Variants in RBFOX1 observed in about 807,000 individuals in gnomAD.
RBFOX1 encodes the protein RNA binding protein fox-1 homolog 1.
In RBFOX1, 8 loss-of-function variants were observed where a neutral mutation model predicts 57.7. The ratio of observed to expected loss-of-function variants is 0.14; its 90% CI spans 0.08 to 0.25. RBFOX1 has a LOEUF of 0.25. Ranked by LOEUF, RBFOX1 falls within the 10% of genes least tolerant of loss-of-function variation. RBFOX1 has a pLI of 1.00. For missense variants in RBFOX1, 611 were observed against 548.5 expected (o/e 1.11, Z -1.14); for synonymous variants, 326 against 222.4 (o/e 1.47, Z -4.15).
At chr16:6,727,444 C>T (rs957702268) in intron 3 of RBFOX1, among the ~76,000 whole-genome samples, 1 of 151,572 alleles carries the variant, frequency 6.6e-6, no homozygotes, top group Non-Finnish European at 1.5e-5. Flanking sequence ...CTTCATATTC[C>T]CCCGCTGCTT....
chr16:6,863,533 T>C (rs1468283155), intron 3 of RBFOX1, among the ~76,000 whole-genome samples: 5 of 152,016 alleles, frequency 3.3e-5, no homozygotes, highest in Admixed American at 6.6e-5. Flanking sequence ...CTAATTACAA[T>C]TATTTTCTGG....
chr16:7,269,043 CAAAAAAAAA>C (rs56297510), intron 4 of RBFOX1, among the ~76,000 whole-genome samples: 2 of 52,262 alleles, frequency 3.8e-5, no homozygotes, highest in Admixed American at 3.3e-4. Flanking sequence ...TCTTCCATCT[CAAAAAAAAA>C]AAAAAAAAAA....
At chr16:5,355,430 G>C (rs1364581495) in intron 1 of RBFOX1, among the ~76,000 whole-genome samples, 1 of 152,184 alleles carries the variant, frequency 6.6e-6, no homozygotes, top group Non-Finnish European at 1.5e-5. Context: ...GAGACCTCTT[G>C]ATGTAAGGTG....
At chr16:6,909,944 T>C (rs952321686) in intron 3 of RBFOX1, among the ~76,000 whole-genome samples, 8 of 152,132 alleles carry the variant, frequency 5.3e-5, no homozygotes, top group Non-Finnish European at 1.0e-4. Context: ...GCAAACTTCA[T>C]GAGCCATTTC....
rs1796184625 is a variant in RBFOX1 at position 6,818,580 on chromosome 16, T to C, written c.-16+163930T>C. The stretch of plus-strand genomic sequence containing the variant: ...TCCCTTTTTTCTTCTAAAGTTGCTA[T>C]GGCACTCTCATTTAACCTCTAGTAG... On this transcript the variant is annotated intron_variant, in intron 3 of 15. Transcript: ENST00000550418. 1.3e-5 allele frequency among the ~76,000 whole-genome samples: 2 copies of C among 152,244 alleles called. 1 individual carries two copies. The highest frequency in any genetic ancestry group is 4.1e-4 in the South Asian group (2 of 4,830).
chr16:5,414,869 G>A (rs1309501379), intron 1 of RBFOX1, among the ~76,000 whole-genome samples: 1 of 152,182 alleles, frequency 6.6e-6, no homozygotes, highest in African/African-American at 2.4e-5. Flanking sequence ...TAAGGAGCCA[G>A]CAGGGATGGA....
At chr16:7,024,262 A>C (rs2040219295) in intron 3 of RBFOX1, among the ~76,000 whole-genome samples, 1 of 152,202 alleles carries the variant, frequency 6.6e-6, no homozygotes, top group Non-Finnish European at 1.5e-5. Context: ...ATGCACAGAG[A>C]CATGGTGGCT....
intron 4 of RBFOX1, among the ~76,000 whole-genome samples, chr16:7,165,105 C>A (rs1376617145): frequency 6.6e-6 from 1 of 152,118 alleles, no homozygotes; most frequent in African/African-American, 2.4e-5. Flanking sequence ...GGATGCAATC[C>A]TGTCAGTAGT....
chr16:6,855,378 G>A (rs1392174085), intron 3 of RBFOX1, among the ~76,000 whole-genome samples: 2 of 152,068 alleles, frequency 1.3e-5, no homozygotes, highest in Admixed American at 6.5e-5. Flanking sequence ...TTGGCCGGGC[G>A]CAGTGGCTCA....
At chr16:5,883,024 C>G (rs1242601127) in intron 4 of RBFOX1, among the ~76,000 whole-genome samples, 4 of 152,168 alleles carry the variant, frequency 2.6e-5, no homozygotes, top group Non-Finnish European at 5.9e-5. Flanking sequence ...GATCCAGACC[C>G]TGCTCTTAGG....
chr16:6,961,036 A>G (rs986772987), intron 3 of RBFOX1, among the ~76,000 whole-genome samples: 4 of 151,322 alleles, frequency 2.6e-5, no homozygotes, highest in Non-Finnish European at 4.4e-5. Flanking sequence ...CCAGCTACTC[A>G]GGAGGCTGAG....
At chr16:5,405,483 G>A (rs2066840091) in intron 1 of RBFOX1, among the ~76,000 whole-genome samples, 2 of 152,150 alleles carry the variant, frequency 1.3e-5, no homozygotes, top group African/African-American at 4.8e-5. Flanking sequence ...CCAGCCATGT[G>A]GAACTGTGAG....
chr16:5,254,528 G>T (rs1340692157), intron 1 of RBFOX1, among the ~76,000 whole-genome samples: 1 of 152,150 alleles, frequency 6.6e-6, no homozygotes, highest in East Asian at 1.9e-4. Context: ...GGTCTGCCAT[G>T]CCCCCCGATC....
rs373108406 is a variant in RBFOX1, at chr16:6,363,783, G to A, written c.-64+46726G>A. ...ACCCAGTGACAGAACTAATAATTGT[G>A]TCCATGTAAAATCAGACCCTCTTGT... On this transcript the variant is annotated intron_variant, in intron 2 of 15. Coordinates refer to ENST00000550418, the MANE Select transcript of RBFOX1 (RefSeq NM_018723.4). 2.0e-5 allele frequency among the ~76,000 whole-genome samples: 3 copies of A among 152,292 alleles called. No homozygotes were observed. In the East Asian group the frequency reaches 5.8e-4, roughly 29 times the overall value.
intron 3 of RBFOX1, among the ~76,000 whole-genome samples, chr16:6,779,036 T>C (rs1291134662): frequency 6.6e-6 from 1 of 152,088 alleles, no homozygotes; most frequent in Non-Finnish European, 1.5e-5. Flanking sequence ...ACTACTCTAG[T>C]TATTTTGAAA....
At position 7,362,340 on chromosome 16, in the gene RBFOX1, A is replaced by C. The variant is rs182456688; in HGVS notation, c.28-155807A>C. Among the ~76,000 whole-genome samples, 251 of 141,032 alleles carry C rather than the reference A, an allele frequency of 1.8e-3. 1 individual carries two copies. The highest frequency in any genetic ancestry group is 6.5e-3 in the African/African-American group (243 of 37,312). The allele number at this position is 141,032 out of a possible 152,430, so 92.5% of individuals were successfully genotyped here. On this transcript the variant is annotated intron_variant, in intron 4 of 15. Transcript: ENST00000550418. ...TGTGTGTATGTTTTGTGTGTATGTT[A>C]GTGTATGTGTGTTTGTGTGTATGCT...
At chr16:7,329,610 G>A (rs901611656) in intron 4 of RBFOX1, among the ~76,000 whole-genome samples, 2 of 152,160 alleles carry the variant, frequency 1.3e-5, no homozygotes, top group Non-Finnish European at 2.9e-5. Flanking sequence ...CGAGGACGAA[G>A]TCAATACAAC....
intron 2 of RBFOX1, among the ~76,000 whole-genome samples, chr16:6,577,519 AG>A (rs764599507): frequency 1.3e-5 from 2 of 152,222 alleles, no homozygotes; most frequent in Non-Finnish European, 2.9e-5. Flanking sequence ...CTGAAATCTC[AG>A]TGATATAACA....
intron 3 of RBFOX1, among the ~76,000 whole-genome samples, chr16:6,759,863 A>G (rs74007014): frequency 4.3e-4 from 65 of 152,350 alleles, no homozygotes; most frequent in African/African-American, 1.3e-3. Context: ...CAAATGGCCT[A>G]TAACAGCGAA....
Sources: gnomAD v4.1 joint callset for allele counts (sites outside exome capture counted in the v4.1 genomes callset) on GRCh38, gnomAD v4.1.1 for gene constraint, MANE v1.5 for transcripts, NCBI Gene and HGNC (gene_info 2026-07-23, HGNC 2026-07-21) for gene names.